Variants in RALGAPA2 observed in about 807,000 individuals in gnomAD.
RALGAPA2 encodes ral GTPase-activating protein subunit alpha-2.
Under a neutral mutation model 230.4 loss-of-function variants are expected in RALGAPA2, and 139 were observed. The observed-to-expected ratio is 0.60, with a 90% confidence interval of 0.53 to 0.69. The LOEUF is 0.69. Ranked by LOEUF, RALGAPA2 falls within the 30% of genes least tolerant of loss-of-function variation. The pLI, the probability that RALGAPA2 is intolerant of heterozygous loss-of-function variation, is 0.00. For missense variants in RALGAPA2, 2,163 were observed against 2,276.0 expected, an observed-to-expected ratio of 0.95 and a Z score of 1.01; for synonymous variants, 847 against 837.8, an observed-to-expected ratio of 1.01 and a Z score of -0.19.
chr20:20,445,696 G>C (rs1217181055), intron 37 of RALGAPA2, among the ~76,000 whole-genome samples: 1 of 152,134 alleles, frequency 6.6e-6, no homozygotes, highest in African/African-American at 2.4e-5. Context: ...TCTGATTAAT[G>C]GTCAAACAGG....
intron 23 of RALGAPA2, among the ~76,000 whole-genome samples, chr20:20,552,951 A>C (rs1314764056): frequency 7.2e-6 from 1 of 138,586 alleles, no homozygotes; most frequent in Non-Finnish European, 1.7e-5. Flanking sequence ...TTAAAAACAA[A>C]ACAAAACAAA....
intron 37 of RALGAPA2, among the ~76,000 whole-genome samples, chr20:20,468,677 T>C (rs567073596): frequency 1.3e-5 from 2 of 152,210 alleles, no homozygotes; most frequent in African/African-American, 4.8e-5. Flanking sequence ...TCTTTCTTTA[T>C]CTCTGCCCCC....
At position 20,438,000 on chromosome 20, in the gene RALGAPA2, T is replaced by A. The variant is rs2123032644; in HGVS notation, c.5496-25852A>T. Among the ~76,000 whole-genome samples the A allele has an allele frequency of 6.6e-6, 1 of 151,760 alleles. No homozygotes were observed. Among genetic ancestry groups the A allele is most frequent in the Non-Finnish European group, 1.5e-5 (1 of 67,928 alleles). On this transcript the variant is annotated intron_variant, in intron 37 of 39. Transcript: ENST00000202677. The surrounding 1 kb of genome is among the most constrained non-coding windows in gnomAD (Gnocchi z 4.1). ...TGGTTCTTATGAATCCCGCAAAGAGTGGTTCTTAATATGGGTCAATGGACC... is the reference window on the plus strand; with the variant it reads ...TGGTTCTTATGAATCCCGCAAAGAGAGGTTCTTAATATGGGTCAATGGACC...
chr20:20,689,606 C>T (rs1001192099), intron 1 of RALGAPA2, among the ~76,000 whole-genome samples: 10 of 152,192 alleles, frequency 6.6e-5, no homozygotes, highest in African/African-American at 2.2e-4. Context: ...CGCGCCACTG[C>T]ACACCAGCCT....
At chr20:20,431,027 G>T (rs1365483746) in intron 37 of RALGAPA2, among the ~76,000 whole-genome samples, 1 of 152,112 alleles carries the variant, frequency 6.6e-6, no homozygotes, top group Admixed American at 6.6e-5. Context: ...AATGTGCAAG[G>T]CATCATGAGA....
chr20:20,484,589 A>G (rs1268615771), intron 36 of RALGAPA2, among the ~76,000 whole-genome samples: 1 of 152,210 alleles, frequency 6.6e-6, no homozygotes. Context: ...CCATGAATAT[A>G]TTTTAAAGAT....
intron 37 of RALGAPA2, among the ~76,000 whole-genome samples, chr20:20,470,155 T>C (rs1473896583): frequency 6.6e-6 from 1 of 152,196 alleles, no homozygotes; most frequent in Non-Finnish European, 1.5e-5. Flanking sequence ...TAAGAACTGC[T>C]TTGATATTGA....
intron 26 of RALGAPA2, among the ~76,000 whole-genome samples, chr20:20,532,963 A>G (rs1240560209): frequency 2.6e-5 from 4 of 152,022 alleles, no homozygotes; most frequent in Non-Finnish European, 5.9e-5. Context: ...ACCTAGTAGA[A>G]CCTCTAAAAG....
chr20:20,487,649 C>G (rs1311256278), intron 36 of RALGAPA2, among the ~76,000 whole-genome samples: 1 of 152,094 alleles, frequency 6.6e-6, no homozygotes, highest in Non-Finnish European at 1.5e-5. Flanking sequence ...TAGCTCATAC[C>G]TGTAATATCA....
chr20:20,397,434 TCTTCCACCC>T (rs1274295659), intron 38 of RALGAPA2, among the ~76,000 whole-genome samples: 2 of 152,202 alleles, frequency 1.3e-5, no homozygotes, highest in Non-Finnish European at 2.9e-5. Context: ...TGTGACAGGT[TCTTCCACCC>T]CTTCCACGCC....
chr20:20,625,484 T>C (rs1218320855), intron 10 of RALGAPA2, among the ~76,000 whole-genome samples: 2 of 152,172 alleles, frequency 1.3e-5, no homozygotes, highest in African/African-American at 4.8e-5. Context: ...AACAACCTAA[T>C]GAACAAACAT....
At chr20:20,569,452 C>A (rs540372049) in intron 23 of RALGAPA2, among the ~76,000 whole-genome samples, 10 of 152,208 alleles carry the variant, frequency 6.6e-5, no homozygotes, top group African/African-American at 9.6e-5. Context: ...TCTTAGAAGT[C>A]TGAATGTTGG....
chr20:20,494,673 T>C (rs771462744), intron 36 of RALGAPA2, among the ~76,000 whole-genome samples: 2 of 152,234 alleles, frequency 1.3e-5, no homozygotes, highest in Non-Finnish European at 2.9e-5. Context: ...ATTGACCCCA[T>C]TAGCACAGTC....
chr20:20,565,438 T>A (rs2064384463), intron 23 of RALGAPA2, among the ~76,000 whole-genome samples: 2 of 152,162 alleles, frequency 1.3e-5, no homozygotes, highest in African/African-American at 4.8e-5. Context: ...GTATCACCCC[T>A]GCACCTTGCT....
At chr20:20,491,183 T>A (rs1017701141) in intron 36 of RALGAPA2, among the ~76,000 whole-genome samples, 12 of 152,256 alleles carry the variant, frequency 7.9e-5, no homozygotes, top group Admixed American at 7.9e-4. Context: ...TGGTGTCCCA[T>A]CTCCTGTCTT....
intron 4 of RALGAPA2, among the ~76,000 whole-genome samples, chr20:20,651,510 T>C (rs909577062): frequency 3.3e-5 from 5 of 152,184 alleles, no homozygotes; most frequent in South Asian, 2.1e-4. Flanking sequence ...GCAATCTCAA[T>C]TGAGGAGTCT....
chr20:20,576,658 T>C (rs2064828383), intron 20 of RALGAPA2, among the ~76,000 whole-genome samples: 2 of 152,148 alleles, frequency 1.3e-5, no homozygotes, highest in Admixed American at 1.3e-4. Flanking sequence ...TGTTTCAAGG[T>C]AACATAAGGT....
chr20:20,634,123 CTTTAAG>C (rs908651862), intron 9 of RALGAPA2, among the ~76,000 whole-genome samples: 1 of 151,366 alleles, frequency 6.6e-6, no homozygotes, highest in African/African-American at 2.4e-5. Context: ...CTCAAAGACC[CTTTAAG>C]TTTGAGGCAC....
rs114906805 is a variant in RALGAPA2 at position 20,433,866 on chromosome 20, G to A, written c.5496-21718C>T. Among the ~76,000 whole-genome samples, 196 of 152,290 alleles carry A rather than the reference G, an allele frequency of 1.3e-3. 1 individual carries two copies. The highest frequency in any genetic ancestry group is 4.7e-3 in the African/African-American group (195 of 41,546). On this transcript the variant is annotated intron_variant, in intron 37 of 39. Coordinates refer to ENST00000202677, the MANE Select transcript of RALGAPA2 (RefSeq NM_020343.4). ...ATCCAGTATACATCAGTGAAATTCC[G>A]AAATTTATCAGAACAGAAAGTAGAT...
Sources: gnomAD v4.1 joint callset for allele counts (sites outside exome capture counted in the v4.1 genomes callset) on GRCh38, gnomAD v4.1.1 for gene constraint, Gnocchi (gnomAD v3.1) non-coding constraint, MANE v1.5 for transcripts, NCBI Gene and HGNC (gene_info 2026-07-23, HGNC 2026-07-21) for gene names.